The following UTS2B variants were observed in gnomAD, a reference collection of about 807,000 sequenced individuals.
UTS2B encodes the protein urotensin 2B, also known as urotensin-2B.
UTS2B carries 21 observed loss-of-function variants against 19.2 expected under a neutral mutation model. That is an observed-to-expected ratio of 1.09 (90% CI 0.78 to 1.58). The LOEUF is 1.58. UTS2B is among the 40% of genes most tolerant of loss of function. The probability of loss-of-function intolerance (pLI) is 0.00; values close to 1 mark genes in which losing one functional copy is unlikely to be tolerated. For missense variants in UTS2B, 138 were observed against 130.3 expected, an observed-to-expected ratio of 1.06 and a Z score of -0.29; for synonymous variants, 57 against 50.2, an observed-to-expected ratio of 1.14 and a Z score of -0.58.
chr3:191,281,588 T>C (rs540473188), intron 5 of UTS2B, among the ~76,000 whole-genome samples: 60 of 151,780 alleles, frequency 4.0e-4, no homozygotes, highest in African/African-American at 1.4e-3. Flanking sequence ...GAAACTGCTA[T>C]GATTTCCCCC....
intron 3 of UTS2B, among the ~76,000 whole-genome samples, chr3:191,313,725 C>CTTTTTTTTT (rs57398216): frequency 2.8e-4 from 31 of 109,128 alleles, no homozygotes; most frequent in African/African-American, 1.0e-3. Context: ...CTCCACTTTC[C>CTTTTTTTTT]TTTTTTTTTT....
At chr3:191,278,015 A>G in intron 6 of UTS2B, 57 bp downstream of exon 6, 7 of 915,324 alleles carry the variant, frequency 7.6e-6, no homozygotes, top group Non-Finnish European at 9.6e-6. Flanking sequence ...GCAAGTCTCA[A>G]GACAAAATAA....
At chr3:191,275,038 T>C (rs1716192540) in intron 8 of UTS2B, among the ~76,000 whole-genome samples, 1 of 152,224 alleles carries the variant, frequency 6.6e-6, no homozygotes, top group Admixed American at 6.5e-5. Context: ...TATTTAAACC[T>C]GAGAAGTGTG....
At chr3:191,306,360 A>G (rs1332546753) in intron 3 of UTS2B, among the ~76,000 whole-genome samples, 1 of 152,240 alleles carries the variant, frequency 6.6e-6, no homozygotes, top group African/African-American at 2.4e-5. Flanking sequence ...TGATTTCATC[A>G]TTTATAATTA....
intron 7 of UTS2B, 83 bp from the exon 8 acceptor site, chr3:191,275,428 C>A: frequency 9.1e-7 from 1 of 1,092,958 alleles, no homozygotes; most frequent in South Asian, 1.3e-5. Flanking sequence ...TGCCTGTAAT[C>A]CCAGCACTTC....
chr3:191,293,742 G>A (rs1323532164), intron 4 of UTS2B, among the ~76,000 whole-genome samples: 2 of 151,904 alleles, frequency 1.3e-5, no homozygotes, highest in Non-Finnish European at 2.9e-5. Context: ...GCTATAATGT[G>A]GAAGTTTAGT....
intron 4 of UTS2B, among the ~76,000 whole-genome samples, chr3:191,286,907 A>G (rs1176365012): frequency 7.4e-6 from 1 of 134,848 alleles, no homozygotes; most frequent in Non-Finnish European, 1.7e-5. Flanking sequence ...AAATAAAATC[A>G]GGAAGAATGT....
rs2108562726 is a variant in UTS2B at position 191,267,750 on chromosome 3, A to G, written c.*666T>C. 1 of 152,186 alleles carries G rather than the reference A, an allele frequency of 6.6e-6. No individual in the cohort carries two copies. Among genetic ancestry groups the G allele is most frequent in the Middle Eastern group, 3.4e-3 (1 of 294 alleles). The allele number at this position is 152,186 out of a possible 1,614,324, so 9.4% of individuals were successfully genotyped here. A position where few individuals can be genotyped will look rare whatever the true frequency, so the allele number is the denominator to read the frequency against. On this transcript the variant is annotated 3_prime_UTR_variant, in exon 9 of 9. Transcript: ENST00000340524. ...ATTCTTTAACATAACATTTGTATGT[A>G]GAAGTACAGTACATTTGTATGTAGA...
intron 4 of UTS2B, among the ~76,000 whole-genome samples, chr3:191,292,908 A>G (rs905815032): frequency 6.6e-5 from 10 of 152,048 alleles, no homozygotes; most frequent in African/African-American, 2.2e-4. Context: ...TATTGAGACG[A>G]CTATAGAATA....
chr3:191,286,254 C>A (rs1029648992), intron 4 of UTS2B, among the ~76,000 whole-genome samples: 1 of 152,116 alleles, frequency 6.6e-6, no homozygotes, highest in Non-Finnish European at 1.5e-5. Flanking sequence ...AAGCATGAGA[C>A]TTAAAGGAAA....
chr3:191,295,977 T>C (rs867428937), intron 4 of UTS2B, among the ~76,000 whole-genome samples: 3 of 152,182 alleles, frequency 2.0e-5, no homozygotes, highest in South Asian at 2.1e-4. Context: ...CCAAAAGCTG[T>C]TAATCTTTTG....
chr3:191,303,002 C>G (rs293863), intron 4 of UTS2B, among the ~76,000 whole-genome samples: 91,438 of 151,970 alleles, frequency 0.6, 27,972 homozygotes, highest in African/African-American at 0.72. Context: ...CGAAGATTAA[C>G]TAACAGGAAA....
intron 2 of UTS2B, among the ~76,000 whole-genome samples, chr3:191,322,335 A>G (rs753856529): frequency 3.4e-4 from 52 of 152,236 alleles, no homozygotes; most frequent in African/African-American, 8.4e-4. Context: ...ACAAAATGAA[A>G]TAAAATAACA....
chr3:191,337,229 T>C, the UTS2B span, among the ~76,000 whole-genome samples: 1 of 152,190 alleles, frequency 6.6e-6, no homozygotes, highest in Non-Finnish European at 1.5e-5. Context: ...AACTTTGTTA[T>C]TTAACCTTTT....
At chr3:191,269,949 C>G (rs1435537102) in intron 8 of UTS2B, among the ~76,000 whole-genome samples, 1 of 152,240 alleles carries the variant, frequency 6.6e-6, no homozygotes, top group Non-Finnish European at 1.5e-5. Context: ...AAAACCCCAA[C>G]CAGCTTTCTG....
chr3:191,334,057 A>G (rs1313788860), upstream of UTS2B, among the ~76,000 whole-genome samples: 1 of 152,160 alleles, frequency 6.6e-6, no homozygotes, highest in Non-Finnish European at 1.5e-5. Flanking sequence ...TTGAGTAATA[A>G]TAGGTTTAAT....
the UTS2B span, among the ~76,000 whole-genome samples, chr3:191,338,892 C>A: frequency 6.6e-6 from 1 of 152,082 alleles, no homozygotes; most frequent in Non-Finnish European, 1.5e-5. Flanking sequence ...TTTTTGTACA[C>A]GTTCCAGTAA....
rs10937466 is a variant in UTS2B, at chr3:191,267,543, C to G, written c.*873G>C. On this transcript the variant is annotated 3_prime_UTR_variant, in exon 9 of 9. Transcript: ENST00000340524. Reference sequence around the variant, plus strand: ...GGCGGATCAGCAGGTTGAGAAATAACAGACACACACAAGATAGTGAAAGCT... The same window carrying G: ...GGCGGATCAGCAGGTTGAGAAATAAGAGACACACACAAGATAGTGAAAGCT... 1.3e-5 allele frequency: 2 copies of G among 151,992 alleles called. No homozygotes were observed. The highest frequency in any genetic ancestry group is 4.8e-5 in the African/African-American group (2 of 41,356). 9.4% of individuals were successfully genotyped at this position (151,992 alleles called of 1,614,324 possible).
chr3:191,324,654 G>A (rs566255221), intron 2 of UTS2B, among the ~76,000 whole-genome samples: 29 of 152,282 alleles, frequency 1.9e-4, no homozygotes, highest in East Asian at 5.8e-4. Flanking sequence ...GCCATGTGGC[G>A]TCCATTAAAC....
Sources: gnomAD v4.1 joint callset for allele counts (sites outside exome capture counted in the v4.1 genomes callset) on GRCh38, gnomAD v4.1.1 for gene constraint, MANE v1.5 for transcripts, NCBI Gene and HGNC (gene_info 2026-07-23, HGNC 2026-07-21) for gene names.